Variants in ZFPM2 observed in about 807,000 individuals in gnomAD.
The protein encoded by ZFPM2 is zinc finger protein ZFPM2.
In ZFPM2, 20 loss-of-function variants were observed where a neutral mutation model predicts 98.6. The ratio of observed to expected loss-of-function variants is 0.20; its 90% CI spans 0.14 to 0.29. ZFPM2 has a LOEUF of 0.29. ZFPM2 is among the 10% of genes least tolerant of loss of function. ZFPM2 has a pLI of 1.00. For missense variants in ZFPM2, 1,310 were observed against 1,388.6 expected (o/e 0.94, Z 0.90); for synonymous variants, 518 against 502.7 (o/e 1.03, Z -0.41).
intron 5 of ZFPM2, among the ~76,000 whole-genome samples, chr8:105,719,249 G>A (rs1395850399): frequency 6.6e-6 from 1 of 151,904 alleles, no homozygotes; most frequent in African/African-American, 2.4e-5. Context: ...GGTAGTAATT[G>A]AGATGCCTCA....
At chr8:105,486,332 G>A (rs1344419506) in intron 3 of ZFPM2, among the ~76,000 whole-genome samples, 2 of 152,030 alleles carry the variant, frequency 1.3e-5, no homozygotes, top group African/African-American at 4.8e-5. Flanking sequence ...GTTCTCAAAA[G>A]AAGTTACCTT....
chr8:105,750,081 A>G (rs1338954452), intron 5 of ZFPM2, among the ~76,000 whole-genome samples: 1 of 152,082 alleles, frequency 6.6e-6, no homozygotes, highest in East Asian at 1.9e-4. Flanking sequence ...TATTTATTGA[A>G]TACCTACTAT....
chr8:105,408,299 T>A (rs1394446781), intron 1 of ZFPM2, among the ~76,000 whole-genome samples: 1 of 151,902 alleles, frequency 6.6e-6, no homozygotes, highest in African/African-American at 2.4e-5. Flanking sequence ...TTTGAAGATA[T>A]GTTTTATAGG....
chr8:105,775,684 T>G (rs1372232457), intron 5 of ZFPM2, among the ~76,000 whole-genome samples: 1 of 152,130 alleles, frequency 6.6e-6, no homozygotes, highest in Non-Finnish European at 1.5e-5. Context: ...GTATGTCACC[T>G]CTTGGCTGGT....
intron 3 of ZFPM2, among the ~76,000 whole-genome samples, chr8:105,448,862 G>A (rs1812431849): frequency 6.6e-6 from 1 of 152,008 alleles, no homozygotes; most frequent in African/African-American, 2.4e-5. Flanking sequence ...ACTGAACTTT[G>A]TTAAACACTT....
At chr8:105,391,078 T>C (rs1249819821) in intron 1 of ZFPM2, among the ~76,000 whole-genome samples, 4 of 152,202 alleles carry the variant, frequency 2.6e-5, no homozygotes, top group Non-Finnish European at 4.4e-5. Context: ...CATTTTATTG[T>C]GCCTCACTTT....
In ZFPM2 at chr8:105,788,850, G is replaced by C; in HGVS notation, c.665G>C (p.Arg222Pro). The C allele has an allele frequency of 6.2e-7, 1 of 1,613,890 alleles. No homozygotes were observed. Among genetic ancestry groups the C allele is most frequent in the Non-Finnish European group, 8.5e-7 (1 of 1,179,858 alleles). Residue 222 changes from arginine (R) to proline (P), a missense_variant, in exon 6 of 8, where the codon CGC becomes CCC. Transcript: ENST00000407775. The stretch of plus-strand genomic sequence containing the variant: ...CTCACAGAAGGGATGTACCCTGCAC[G>C]CCTGCTGGACTCAATTCAGCTGCTT... The part of the protein sequence containing the change: ...MTLTEGMYPA[R>P]LLDSIQLLPQ...
intron 4 of ZFPM2, among the ~76,000 whole-genome samples, chr8:105,632,221 G>A (rs1025962306): frequency 5.3e-5 from 8 of 152,082 alleles, no homozygotes; most frequent in Non-Finnish European, 1.2e-4. Context: ...CCTGGCTGGG[G>A]TACAGTAGCA....
chr8:105,629,019 G>C (rs1005444604), intron 4 of ZFPM2, among the ~76,000 whole-genome samples: 4 of 152,186 alleles, frequency 2.6e-5, no homozygotes, highest in Admixed American at 2.6e-4. Flanking sequence ...AGTCACCCCT[G>C]CCTGTATGCT....
chr8:105,578,433 C>T (rs1815515633), intron 4 of ZFPM2, among the ~76,000 whole-genome samples: 1 of 151,984 alleles, frequency 6.6e-6, no homozygotes, highest in Admixed American at 6.6e-5. Context: ...CAGTTTTACT[C>T]CAGTTACTCC....
At chr8:105,422,106 A>C (rs544722726) in intron 2 of ZFPM2, among the ~76,000 whole-genome samples, 30 of 151,226 alleles carry the variant, frequency 2.0e-4, no homozygotes, top group African/African-American at 5.8e-4. Flanking sequence ...TGCCAGTGTC[A>C]TTACTGGAAA....
At chr8:105,676,653 A>T (rs1274670102) in intron 5 of ZFPM2, among the ~76,000 whole-genome samples, 1 of 152,028 alleles carries the variant, frequency 6.6e-6, no homozygotes, top group Non-Finnish European at 1.5e-5. Context: ...ATTTAAATAT[A>T]TAAGAGCAAT....
intron 5 of ZFPM2, among the ~76,000 whole-genome samples, chr8:105,739,388 T>A (rs543039673): frequency 1.3e-5 from 2 of 152,044 alleles, no homozygotes; most frequent in African/African-American, 4.8e-5. Context: ...ACTGTACACA[T>A]CTGTATGAGT....
chr8:105,707,798 AACTG>A (rs1023303212), intron 5 of ZFPM2, among the ~76,000 whole-genome samples: 15 of 152,328 alleles, frequency 9.8e-5, no homozygotes, highest in Non-Finnish European at 1.9e-4. Context: ...ATTCCCCACA[AACTG>A]ACTGTTTCAC....
At chr8:105,326,757 C>G (rs1812122620) in intron 1 of ZFPM2, among the ~76,000 whole-genome samples, 1 of 151,214 alleles carries the variant, frequency 6.6e-6, no homozygotes, top group Non-Finnish European at 1.5e-5. Flanking sequence ...CTTTGAATTG[C>G]TAGAAACTGT....
In ZFPM2 at chr8:105,374,028, C is replaced by T. The variant is rs530936712; in HGVS notation, c.41-45116C>T. Among the ~76,000 whole-genome samples, 281 of 152,272 alleles carry T rather than the reference C, an allele frequency of 1.8e-3. 1 individual carries two copies. Among genetic ancestry groups the T allele is most frequent in the Non-Finnish European group, 2.8e-3 (188 of 68,022 alleles). ...AAGGTTGTTCAAGTGCTGGGGTTGGCAAACTTTAATATATAAATGGAACTC... is the reference window on the plus strand; with the variant it reads ...AAGGTTGTTCAAGTGCTGGGGTTGGTAAACTTTAATATATAAATGGAACTC... On this transcript the variant is annotated intron_variant, in intron 1 of 7. Coordinates refer to ENST00000407775, the MANE Select transcript of ZFPM2 (RefSeq NM_012082.4).
chr8:105,584,425 A>G (rs1815669200), intron 4 of ZFPM2, among the ~76,000 whole-genome samples: 1 of 152,164 alleles, frequency 6.6e-6, no homozygotes, highest in Non-Finnish European at 1.5e-5. Flanking sequence ...TGAATGTGCC[A>G]AGAAAGGATG....
At chr8:105,448,567 T>G (rs1812423557) in intron 3 of ZFPM2, among the ~76,000 whole-genome samples, 1 of 152,062 alleles carries the variant, frequency 6.6e-6, no homozygotes, top group East Asian at 1.9e-4. Context: ...ATTATTCATG[T>G]ACCATATTTG....
In ZFPM2 at chr8:105,696,313, A is replaced by T. The variant is rs529628026; in HGVS notation, c.532+61956A>T. On this transcript the variant is annotated intron_variant, in intron 5 of 7. Transcript: ENST00000407775. ...CGAGTAAGTCTTTTAAGAATCCTTC[A>T]CTTACCCTTATATGATCGTGGACAT... Among the ~76,000 whole-genome samples the T allele has an allele frequency of 3.0e-3, 449 of 152,128 alleles. 2 individuals carry two copies. The highest frequency in any genetic ancestry group is 4.4e-3 in the Non-Finnish European group (299 of 67,994).
Sources: gnomAD v4.1 joint callset for allele counts (sites outside exome capture counted in the v4.1 genomes callset) on GRCh38, gnomAD v4.1.1 for gene constraint, MANE v1.5 for transcripts, NCBI Gene and HGNC (gene_info 2026-07-23, HGNC 2026-07-21) for gene names.